Variants in RIGI observed in about 807,000 individuals in gnomAD.
RIGI encodes the protein antiviral innate immune response receptor RIG-I.
the RIGI span, chr9:32,466,355 C>A: frequency 1.9e-4 from 303 of 1,613,750 alleles, 2 homozygotes; most frequent in South Asian, 3.2e-3. Flanking sequence ...ATCATTTTTT[C>A]TTTGTACATG....
the RIGI span, chr9:32,485,665 C>T: frequency 7.4e-5 from 28 of 380,404 alleles, no homozygotes; most frequent in Non-Finnish European, 1.3e-4. Flanking sequence ...CTCAGCCTCC[C>T]AAGTAGCTGG....
the RIGI span, among the ~76,000 whole-genome samples, chr9:32,513,115 G>C: frequency 1.3e-5 from 2 of 151,680 alleles, no homozygotes; most frequent in Non-Finnish European, 2.9e-5. Context: ...CGGGTAGGAA[G>C]AATCAATATC....
chr9:32,518,770 G>A, the RIGI span, among the ~76,000 whole-genome samples: 1 of 152,224 alleles, frequency 6.6e-6, no homozygotes, highest in East Asian at 1.9e-4. Context: ...GCTTCACACT[G>A]TATTTGCTCT....
chr9:32,457,190 G>A, the RIGI span: 1 of 1,613,902 alleles, frequency 6.2e-7, no homozygotes, highest in Admixed American at 1.7e-5. Context: ...TTCGAGTACA[G>A]TGTCTGAACT....
At chr9:32,507,759 C>T in the RIGI span, among the ~76,000 whole-genome samples, 3 of 152,022 alleles carry the variant, frequency 2.0e-5, no homozygotes, top group African/African-American at 7.2e-5. Flanking sequence ...AATCCTCCCA[C>T]CTCAGGTTCC....
the RIGI span, among the ~76,000 whole-genome samples, chr9:32,462,724 C>T: frequency 7.3e-3 from 1,103 of 152,012 alleles, 10 homozygotes; most frequent in Middle Eastern, 0.01. Flanking sequence ...TCCCCCACTC[C>T]CCCTTTTTGA....
At chr9:32,461,584 C>T in the RIGI span, among the ~76,000 whole-genome samples, 3 of 152,168 alleles carry the variant, frequency 2.0e-5, no homozygotes, top group Non-Finnish European at 4.4e-5. Context: ...ATCTGCTTCA[C>T]GGACTGTCAG....
At chr9:32,487,411 T>C in the RIGI span, 10 of 1,530,366 alleles carry the variant, frequency 6.5e-6, no homozygotes, top group South Asian at 3.4e-5. Flanking sequence ...TAGATGGCTC[T>C]GAACTAGAGG....
At chr9:32,522,066 CTTAA>C in the RIGI span, among the ~76,000 whole-genome samples, 1 of 152,166 alleles carries the variant, frequency 6.6e-6, no homozygotes, top group Non-Finnish European at 1.5e-5. Context: ...TTCTAGGACT[CTTAA>C]TTAGAGTCCC....
chr9:32,489,653 G>T, the RIGI span, among the ~76,000 whole-genome samples: 1 of 134,726 alleles, frequency 7.4e-6, no homozygotes, highest in African/African-American at 2.6e-5. Flanking sequence ...AGTATTGATG[G>T]CAAGAAAGAA....
At chr9:32,475,642 C>T in the RIGI span, among the ~76,000 whole-genome samples, 1 of 151,994 alleles carries the variant, frequency 6.6e-6, no homozygotes, top group Non-Finnish European at 1.5e-5. Context: ...TCAACCAATA[C>T]CTCACGCCTT....
chr9:32,483,773 A>G, the RIGI span, among the ~76,000 whole-genome samples: 1 of 151,444 alleles, frequency 6.6e-6, no homozygotes, highest in Non-Finnish European at 1.5e-5. Flanking sequence ...TTTGCTTCTC[A>G]TTTCTGGCCA....
chr9:32,482,627 C>T, the RIGI span, among the ~76,000 whole-genome samples: 1 of 152,168 alleles, frequency 6.6e-6, no homozygotes, highest in Admixed American at 6.5e-5. Context: ...TTGGGAGCCC[C>T]AGGCGGGTGG....
At chr9:32,490,907 G>A in the RIGI span, among the ~76,000 whole-genome samples, 1 of 152,150 alleles carries the variant, frequency 6.6e-6, no homozygotes, top group Non-Finnish European at 1.5e-5. Context: ...TCAACTTGCA[G>A]GGCAGCCCAG....
At chr9:32,467,669 T>C in the RIGI span, 261 of 1,301,120 alleles carry the variant, frequency 2.0e-4, 2 homozygotes, top group African/African-American at 3.6e-3. Flanking sequence ...TACTCAACCA[T>C]GGCTCAGTAA....
chr9:32,482,790 C>T, the RIGI span, among the ~76,000 whole-genome samples: 2 of 151,502 alleles, frequency 1.3e-5, no homozygotes, highest in Admixed American at 6.6e-5. Flanking sequence ...ACCCAGGAGA[C>T]GGAGGTTGCA....
At chr9:32,470,413 C>T in the RIGI span, among the ~76,000 whole-genome samples, 1 of 152,234 alleles carries the variant, frequency 6.6e-6, no homozygotes, top group Non-Finnish European at 1.5e-5. Flanking sequence ...ACAGACAATA[C>T]ATACATGAAT....
the RIGI span, chr9:32,459,377 C>A: frequency 6.2e-7 from 1 of 1,612,926 alleles, no homozygotes; most frequent in South Asian, 1.1e-5. Flanking sequence ...TTACCTCTAT[C>A]ACTCTTACGT....
At chr9:32,459,654 G>C in the RIGI span, 23 of 828,610 alleles carry the variant, frequency 2.8e-5, no homozygotes, top group African/African-American at 3.3e-4. Flanking sequence ...TATGGTACCT[G>C]ACTTTGTAAA....
Sources: allele counts gnomAD v4.1 joint callset (sites outside exome capture counted in the v4.1 genomes callset), GRCh38; gene constraint gnomAD v4.1.1; transcripts MANE v1.5; gene names NCBI Gene and HGNC (gene_info 2026-07-23, HGNC 2026-07-21).